The following SLIT3 variants were observed in gnomAD, a reference collection of about 807,000 sequenced individuals.
The protein encoded by SLIT3 is slit homolog 3 protein.
In SLIT3, 68 loss-of-function variants were observed where a neutral mutation model predicts 184.0. The ratio of observed to expected loss-of-function variants is 0.37; its 90% confidence interval spans 0.30 to 0.45. The LOEUF (loss-of-function observed/expected upper bound fraction) is 0.45. SLIT3 is among the 20% of genes least tolerant of loss of function. The pLI is 1.00. For synonymous variants in SLIT3, 831 were observed against 828.6 expected, an observed-to-expected ratio of 1.00 and a Z score of -0.05; for missense variants, 1,707 against 2,026.0, an observed-to-expected ratio of 0.84 and a Z score of 3.02.
chr5:168,833,096 C>A (rs1757931535), intron 6 of SLIT3, among the ~76,000 whole-genome samples: 2 of 152,164 alleles, frequency 1.3e-5, no homozygotes, highest in African/African-American at 4.8e-5. Context: ...TACTTGGGGA[C>A]AAAGAGCCCT....
intron 4 of SLIT3, among the ~76,000 whole-genome samples, chr5:169,107,316 G>A (rs563525860): frequency 3.3e-5 from 5 of 152,228 alleles, no homozygotes; most frequent in East Asian, 3.9e-4. Context: ...AAAATCAAGC[G>A]TCCCTCTTGA....
At chr5:168,848,107 A>G (rs938051870) in intron 5 of SLIT3, among the ~76,000 whole-genome samples, 3 of 152,236 alleles carry the variant, frequency 2.0e-5, no homozygotes, top group African/African-American at 7.2e-5. Context: ...ATCATGCAAC[A>G]TAACTTACCC....
In SLIT3 at chr5:168,711,021, G is replaced by T; in HGVS notation, c.2593C>A (p.Leu865Ile). 6.3e-7 allele frequency: 1 copy of T among 1,589,346 alleles called. No individual in the cohort carries two copies. The highest frequency in any genetic ancestry group is 1.2e-5 in the South Asian group (1 of 86,638). Residue 865 changes from leucine to isoleucine, a missense_variant, in exon 25 of 36, where the codon CTT becomes ATT. Around this residue, in one of 3 missense-constraint regions of SLIT3, gnomAD observed 1,307 missense variants for 1,511.6 expected, o/e 0.86. Coordinates refer to ENST00000519560, the MANE Select transcript of SLIT3 (RefSeq NM_003062.4). Reference sequence around the variant, plus strand: ...TTCACCCACTCCGACAGCCACCGAAGACTGCAGTCACAGTGGAGTGGGTTG... The same window carrying T: ...TTCACCCACTCCGACAGCCACCGAATACTGCAGTCACAGTGGAGTGGGTTG... ...GTNPLHCDCS[L>I]RWLSEWVKAG... is the part of the protein sequence containing the mutation.
At chr5:168,668,518 C>A (rs1000802838) in intron 35 of SLIT3, among the ~76,000 whole-genome samples, 1 of 152,210 alleles carries the variant, frequency 6.6e-6, no homozygotes. Context: ...CACTGAGGAC[C>A]ATTTTCTACA....
Position 168,835,120 on chromosome 5 carries a change from T to C in SLIT3, c.557+9464A>G, listed in dbSNP as rs567895541. Among the ~76,000 whole-genome samples, 7 of 152,300 alleles carry C rather than the reference T, an allele frequency of 4.6e-5. No individual in the cohort carries two copies. The East Asian group carries it at 7.7e-4, about 17-fold the overall frequency. ...ATTTCCCTCATCACAGAAAGTTCTA[T>C]TGGACGGTGCTGCTGGAGAGATCCT... is the stretch of plus-strand genomic sequence containing the variant. On this transcript the variant is annotated intron_variant, in intron 6 of 35. Coordinates refer to ENST00000519560, the MANE Select transcript of SLIT3 (RefSeq NM_003062.4).
chr5:169,257,308 G>A (rs780962074), intron 1 of SLIT3, among the ~76,000 whole-genome samples: 15 of 151,888 alleles, frequency 9.9e-5, no homozygotes, highest in Non-Finnish European at 1.3e-4. Flanking sequence ...GAAAGAACCC[G>A]AGTCCCTGAA....
chr5:169,031,544 C>T (rs537125847), intron 4 of SLIT3, among the ~76,000 whole-genome samples: 19 of 152,310 alleles, frequency 1.2e-4, no homozygotes, highest in African/African-American at 4.1e-4. Flanking sequence ...TACACCGAAG[C>T]TAGATTTTCT....
intron 3 of SLIT3, among the ~76,000 whole-genome samples, chr5:169,210,690 G>A (rs1199394185): frequency 6.6e-6 from 1 of 152,160 alleles, no homozygotes; most frequent in African/African-American, 2.4e-5. Context: ...GGGACCAGAG[G>A]TAGGAATGAA....
chr5:168,781,177 G>C (rs960499270), intron 12 of SLIT3, among the ~76,000 whole-genome samples: 7 of 152,192 alleles, frequency 4.6e-5, no homozygotes, highest in African/African-American at 1.7e-4. Flanking sequence ...AGACATAGGA[G>C]GGTGCTAGGA....
chr5:169,004,615 G>A (rs568735773), intron 4 of SLIT3, among the ~76,000 whole-genome samples: 2 of 152,238 alleles, frequency 1.3e-5, no homozygotes, highest in Admixed American at 1.3e-4. Context: ...GGGACTACAG[G>A]TAACCCCTCT....
rs1762989513 is a variant in SLIT3 at position 168,722,925 on chromosome 5, G to A, written c.2411+8C>T. 1 of 1,603,592 alleles carries A rather than the reference G, an allele frequency of 6.2e-7. No homozygotes were observed. Among genetic ancestry groups the A allele is most frequent in the South Asian group, 1.1e-5 (1 of 90,886 alleles). On this transcript the variant is annotated splice_region_variant and intron_variant, in intron 22 of 35. Coordinates refer to ENST00000519560, the MANE Select transcript of SLIT3 (RefSeq NM_003062.4). ...GGCATGGTAAACACAGCATCTCAGT[G>A]TACTCACAGAGTGGAGAGGTGAGAC...
At chr5:168,875,430 G>A (rs1316595652) in intron 5 of SLIT3, among the ~76,000 whole-genome samples, 2 of 152,070 alleles carry the variant, frequency 1.3e-5, no homozygotes, top group Non-Finnish European at 2.9e-5. Flanking sequence ...TCAGGAGTCC[G>A]AGACTAGGCT....
intron 4 of SLIT3, among the ~76,000 whole-genome samples, chr5:169,033,502 C>A (rs899188796): frequency 2.0e-5 from 3 of 152,050 alleles, no homozygotes; most frequent in African/African-American, 7.2e-5. Flanking sequence ...TTTTTAATTT[C>A]CTTAGGAATA....
intron 6 of SLIT3, 31 bp downstream of exon 6, chr5:168,844,553 A>T: frequency 6.2e-7 from 1 of 1,607,422 alleles, no homozygotes; most frequent in Non-Finnish European, 8.5e-7. Context: ...ATGCACGCAC[A>T]CACAAGGCAG....
chr5:169,138,511 A>T (rs915937955), intron 4 of SLIT3, among the ~76,000 whole-genome samples: 2 of 152,064 alleles, frequency 1.3e-5, no homozygotes, highest in Non-Finnish European at 2.9e-5. Context: ...TTGCACAAGA[A>T]TCCCTGGTTC....
At chr5:168,877,975 G>A (rs1228776088) in intron 5 of SLIT3, among the ~76,000 whole-genome samples, 1 of 151,830 alleles carries the variant, frequency 6.6e-6, no homozygotes, top group Non-Finnish European at 1.5e-5. Flanking sequence ...CTATCTCTAC[G>A]TCTTTCCGTG....
rs549796911 is a variant in SLIT3 at position 168,920,395 on chromosome 5, G to A, written c.414-37059C>T. On this transcript the variant is annotated intron_variant, in intron 4 of 35. Transcript: ENST00000519560. The stretch of plus-strand genomic sequence containing the variant: ...CTCCCTTCTCCAGGATGCCTCACAC[G>A]TTAGGAATCACAATAGCCACACACA... 1.5e-3 allele frequency among the ~76,000 whole-genome samples: 225 copies of A among 152,200 alleles called. 1 individual carries two copies. Among genetic ancestry groups the A allele is most frequent in the Admixed American group, 5.8e-3 (89 of 15,298 alleles).
intron 5 of SLIT3, among the ~76,000 whole-genome samples, chr5:168,853,660 G>A (rs1393180548): frequency 6.6e-6 from 1 of 152,170 alleles, no homozygotes; most frequent in Non-Finnish European, 1.5e-5. Flanking sequence ...AAGAAAGTGA[G>A]GCATTGAGAG....
chr5:168,986,215 A>G (rs1409808901), intron 4 of SLIT3, among the ~76,000 whole-genome samples: 1 of 152,190 alleles, frequency 6.6e-6, no homozygotes, highest in African/African-American at 2.4e-5. Flanking sequence ...GATGCTAAGT[A>G]GGCAAATTTC....
Sources: gnomAD v4.1 joint callset for allele counts (sites outside exome capture counted in the v4.1 genomes callset) on GRCh38, gnomAD v4.1.1 for gene constraint, gnomAD v4.1.1 regional missense constraint, MANE v1.5 for transcripts, NCBI Gene and HGNC (gene_info 2026-07-23, HGNC 2026-07-21) for gene names.